The following TBL1XR1 variants were observed in gnomAD, a reference collection of about 807,000 sequenced individuals.
TBL1XR1 encodes TBL1X/Y related 1.
Under a neutral mutation model 66.9 loss-of-function variants are expected in TBL1XR1, and 5 were observed. The ratio of observed to expected loss-of-function variants is 0.07; its 90% CI spans 0.04 to 0.16. TBL1XR1 has a LOEUF of 0.16. Among genes scored for constraint, TBL1XR1 ranks in the 10% least tolerant of loss-of-function variants. The pLI, the probability that TBL1XR1 is intolerant of heterozygous loss-of-function variation, is 1.00. For synonymous variants in TBL1XR1, 210 were observed against 206.0 expected (o/e 1.02, Z -0.17); for missense variants, 238 against 623.2 (o/e 0.38, Z 6.58).
At chr3:177,127,343 T>C (rs959375993) in intron 1 of TBL1XR1, among the ~76,000 whole-genome samples, 1 of 152,214 alleles carries the variant, frequency 6.6e-6, no homozygotes, top group African/African-American at 2.4e-5. Flanking sequence ...CATTAAAAAT[T>C]CTTCTACGAT....
intron 1 of TBL1XR1, among the ~76,000 whole-genome samples, chr3:177,140,861 G>A (rs542193545): frequency 6.6e-6 from 1 of 152,238 alleles, no homozygotes; most frequent in South Asian, 2.1e-4. Context: ...TGTCCAACCT[G>A]CATAAACATT....
At chr3:177,158,062 C>G (rs1391957703) in intron 1 of TBL1XR1, among the ~76,000 whole-genome samples, 1 of 151,836 alleles carries the variant, frequency 6.6e-6, no homozygotes, top group East Asian at 1.9e-4. Flanking sequence ...GTGAGGCTAT[C>G]TCATATATCT....
At chr3:177,025,935 G>T in intron 15 of TBL1XR1, 1 of 278,836 alleles carries the variant, frequency 3.6e-6, no homozygotes, top group Non-Finnish European at 6.7e-6. Context: ...TTGCATTGTT[G>T]TAAAGAGTTG....
chr3:177,137,926 T>C (rs899016074), intron 1 of TBL1XR1, among the ~76,000 whole-genome samples: 15 of 152,310 alleles, frequency 9.8e-5, no homozygotes, highest in African/African-American at 3.1e-4. Context: ...GCTGTGATCA[T>C]ACCACTGTAC....
At chr3:177,098,315 T>G (rs1239034431) in intron 2 of TBL1XR1, among the ~76,000 whole-genome samples, 151 bp downstream of exon 2, 1 of 151,924 alleles carries the variant, frequency 6.6e-6, no homozygotes, top group Non-Finnish European at 1.5e-5. Context: ...ACTACATATA[T>G]TTAAAAAGAA....
chr3:177,068,105 T>C (rs1456466812), intron 2 of TBL1XR1, among the ~76,000 whole-genome samples: 6 of 152,128 alleles, frequency 3.9e-5, no homozygotes, highest in Non-Finnish European at 7.4e-5. Flanking sequence ...ATAAATGAAG[T>C]CCTGCCCTCA....
At chr3:177,142,692 A>G (rs1729768500) in intron 1 of TBL1XR1, among the ~76,000 whole-genome samples, 1 of 152,240 alleles carries the variant, frequency 6.6e-6, no homozygotes, top group South Asian at 2.1e-4. Flanking sequence ...AAGTAAATTT[A>G]AGAAGCAAGT....
At chr3:177,102,020 T>C (rs1415974383) in intron 1 of TBL1XR1, among the ~76,000 whole-genome samples, 1 of 152,086 alleles carries the variant, frequency 6.6e-6, no homozygotes, top group African/African-American at 2.4e-5. Context: ...TAAGATATGG[T>C]ACACATATAA....
intron 12 of TBL1XR1, among the ~76,000 whole-genome samples, 170 bp from the exon 13 acceptor site, chr3:177,034,495 T>G (rs1318383435): frequency 6.7e-6 from 1 of 150,126 alleles, no homozygotes; most frequent in Non-Finnish European, 1.5e-5. Flanking sequence ...ATATATTTAA[T>G]ATTTACATCT....
intron 1 of TBL1XR1, among the ~76,000 whole-genome samples, chr3:177,140,898 G>A (rs527495295): frequency 4.6e-5 from 7 of 152,064 alleles, no homozygotes; most frequent in Admixed American, 1.3e-4. Context: ...ATTTTTTTGC[G>A]ATTTTGTTTT....
chr3:177,054,073 T>TGTGTGTGCGC (rs145838308), intron 3 of TBL1XR1, among the ~76,000 whole-genome samples, 155 bp from the exon 4 acceptor site: 210 of 124,910 alleles, frequency 1.7e-3, no homozygotes, highest in African/African-American at 6.0e-3. Flanking sequence ...TGTGTGTGTG[T>TGTGTGTGCGC]GCGCGCGCGT....
intron 7 of TBL1XR1, among the ~76,000 whole-genome samples, chr3:177,049,335 A>G (rs1577022734): frequency 6.6e-6 from 1 of 152,334 alleles, no homozygotes; most frequent in Admixed American, 6.5e-5. Context: ...GGCAGGGGGT[A>G]GCGGAGCGAG....
intron 10 of TBL1XR1, among the ~76,000 whole-genome samples, chr3:177,045,161 C>T (rs574152518): frequency 6.6e-6 from 1 of 152,152 alleles, no homozygotes; most frequent in Non-Finnish European, 1.5e-5. Flanking sequence ...CCTGAAGTTG[C>T]AAATTTCCAT....
At chr3:177,096,669 A>C (rs561559400) in intron 2 of TBL1XR1, among the ~76,000 whole-genome samples, 55 of 152,322 alleles carry the variant, frequency 3.6e-4, no homozygotes, top group African/African-American at 1.3e-3. Context: ...TCATGTGAAC[A>C]AAAAGCCAAG....
In TBL1XR1 at chr3:177,190,169, AAAATCT is replaced by A. The variant is rs1735970640; in HGVS notation, c.-122+6946_-122+6951del. 4.7e-5 allele frequency among the ~76,000 whole-genome samples: 7 copies of A among 149,988 alleles called. 1 individual carries two copies. The South Asian group carries it at 1.5e-3, about 32-fold the overall frequency. On this transcript the variant is annotated intron_variant, in intron 1 of 15. Coordinates refer to ENST00000457928, the MANE Select transcript of TBL1XR1 (RefSeq NM_024665.7). ...AAAAAAAAAAAAAAAAAAAGAGTCC[AAAATCT>A]TAAGCATCATTATACCTAACTACCT... is the stretch of plus-strand genomic sequence containing the variant.
At chr3:177,046,670 C>CTCA (rs1206203742) in intron 9 of TBL1XR1, among the ~76,000 whole-genome samples, 1 of 152,240 alleles carries the variant, frequency 6.6e-6, no homozygotes, top group East Asian at 1.9e-4. Flanking sequence ...ATTAACAGGA[C>CTCA]TCAGTCTCTC....
intron 1 of TBL1XR1, among the ~76,000 whole-genome samples, chr3:177,132,605 C>T (rs538574162): frequency 2.6e-5 from 4 of 151,902 alleles, no homozygotes; most frequent in East Asian, 1.9e-4. Flanking sequence ...CCGAATGATA[C>T]GATAGTGGAA....
intron 1 of TBL1XR1, among the ~76,000 whole-genome samples, chr3:177,101,077 G>A (rs939514643): frequency 2.6e-5 from 4 of 151,922 alleles, no homozygotes; most frequent in Non-Finnish European, 4.4e-5. Flanking sequence ...GGCTGGTCCC[G>A]AACTCCCAAC....
chr3:177,157,307 G>A (rs1379802924), intron 1 of TBL1XR1, among the ~76,000 whole-genome samples: 2 of 152,180 alleles, frequency 1.3e-5, no homozygotes, highest in Admixed American at 6.5e-5. Flanking sequence ...GCATTCCCTT[G>A]GCTCAGGGCC....
Sources: allele counts gnomAD v4.1 joint callset (sites outside exome capture counted in the v4.1 genomes callset), GRCh38; gene constraint gnomAD v4.1.1; transcripts MANE v1.5; gene names NCBI Gene and HGNC (gene_info 2026-07-23, HGNC 2026-07-21).